TNNI3K: variants seen among roughly 807,000 people sequenced by gnomAD.
TNNI3K encodes TNNI3 interacting kinase.
In TNNI3K, 140 loss-of-function variants were observed where a neutral mutation model predicts 114.5. That is an observed-to-expected ratio of 1.22 (90% CI 1.07 to 1.41). The LOEUF (loss-of-function observed/expected upper bound fraction) is 1.41, where lower values mean the gene tolerates loss of function less well. Ranked by LOEUF, TNNI3K falls within the 40% of genes most tolerant of loss-of-function variation. The probability of loss-of-function intolerance (pLI) is 0.00; values close to 1 mark genes in which losing one functional copy is unlikely to be tolerated. For missense variants in TNNI3K, 1,125 were observed against 1,007.6 expected, an observed-to-expected ratio of 1.12 and a Z score of -1.58; for synonymous variants, 347 against 347.5, an observed-to-expected ratio of 1.00 and a Z score of 0.02.
In TNNI3K at chr1:74,336,114, C is replaced by T; in HGVS notation, c.647C>T (p.Ala216Val). 1 of 1,603,720 alleles carries T rather than the reference C, an allele frequency of 6.2e-7. No individual in the cohort carries two copies. The highest frequency in any genetic ancestry group is 8.5e-7 in the Non-Finnish European group (1 of 1,177,096). The change falls in exon 7 of 25, where the codon GCA (alanine) becomes GTA (valine). Residue 216 changes from alanine to valine, a missense_variant. Transcript: ENST00000326637. ...LASAKGFLNIAKLLMEEGSKA... is the reference protein window; with the variant it reads ...LASAKGFLNIVKLLMEEGSKA... ...TCTGCAAAAGGATTCTTGAATATTGCAAAACTCTTGATGGAAGAAGGCAGC... is the reference window on the plus strand; with the variant it reads ...TCTGCAAAAGGATTCTTGAATATTGTAAAACTCTTGATGGAAGAAGGCAGC...
At chr1:74,305,910 T>G (rs1056243301) in intron 5 of TNNI3K, among the ~76,000 whole-genome samples, 2 of 152,206 alleles carry the variant, frequency 1.3e-5, no homozygotes, top group African/African-American at 4.8e-5. Flanking sequence ...AGGGGGCACA[T>G]GTGCAGGTTA....
intron 13 of TNNI3K, 127 bp from the exon 14 acceptor site, chr1:74,368,895 T>C: frequency 1.2e-6 from 1 of 821,964 alleles, no homozygotes; most frequent in Non-Finnish European, 1.8e-6. Flanking sequence ...TCAATTACAG[T>C]TGGAAAATTA....
intron 5 of TNNI3K, among the ~76,000 whole-genome samples, chr1:74,285,807 C>A (rs1194590033): frequency 6.6e-6 from 1 of 152,094 alleles, no homozygotes; most frequent in Non-Finnish European, 1.5e-5. Context: ...TATAATGATA[C>A]GTTTCATGAA....
intron 5 of TNNI3K, among the ~76,000 whole-genome samples, chr1:74,317,219 G>A (rs1297309540): frequency 6.6e-6 from 1 of 152,194 alleles, no homozygotes; most frequent in Non-Finnish European, 1.5e-5. Flanking sequence ...GGTCATGGAG[G>A]TTGGAAGAGA....
At chr1:74,489,071 A>G in intron 21 of TNNI3K, 118 bp from the exon 22 acceptor site, 1 of 782,124 alleles carries the variant, frequency 1.3e-6, no homozygotes. Flanking sequence ...ATTTTAAATA[A>G]AAATATACTT....
chr1:74,403,022 G>T (rs1290798601), intron 17 of TNNI3K, among the ~76,000 whole-genome samples: 1 of 151,900 alleles, frequency 6.6e-6, no homozygotes, highest in Non-Finnish European at 1.5e-5. Context: ...TCATTCTAAT[G>T]ATGATAGATA....
intron 11 of TNNI3K, among the ~76,000 whole-genome samples, chr1:74,360,138 A>G (rs1430684070): frequency 6.6e-6 from 1 of 151,588 alleles, no homozygotes; most frequent in Non-Finnish European, 1.5e-5. Context: ...GATCCTCATA[A>G]TACTTCTTCT....
intron 1 of TNNI3K, 26 bp from the exon 2 acceptor site, chr1:74,236,072 GAATC>G (rs1223342056): frequency 6.3e-7 from 1 of 1,582,848 alleles, no homozygotes. Context: ...ACACAACTAT[GAATC>G]AATCTCATTT....
At chr1:74,415,126 C>A (rs1249472880) in intron 17 of TNNI3K, among the ~76,000 whole-genome samples, 1 of 152,126 alleles carries the variant, frequency 6.6e-6, no homozygotes, top group Non-Finnish European at 1.5e-5. Flanking sequence ...TCTAAGCATG[C>A]CCAATTTTAG....
intron 17 of TNNI3K, among the ~76,000 whole-genome samples, chr1:74,421,623 A>G (rs116349521): frequency 3.3e-3 from 502 of 152,264 alleles, no homozygotes; most frequent in Admixed American, 5.3e-3. Context: ...CAGAAAGAAA[A>G]ATGATTGCAA....
At chr1:74,480,300 C>T (rs925683918) in intron 21 of TNNI3K, 9 of 717,548 alleles carry the variant, frequency 1.3e-5, no homozygotes, top group South Asian at 4.4e-5. Flanking sequence ...GCCACAGCTG[C>T]GGTAGATGGC....
At chr1:74,465,013 G>T in intron 21 of TNNI3K, 1 of 1,132,484 alleles carries the variant, frequency 8.8e-7, no homozygotes, top group Non-Finnish European at 1.1e-6. Flanking sequence ...AAATAGTTTA[G>T]GAAAACATTT....
intron 6 of TNNI3K, 139 bp downstream of exon 6, chr1:74,331,687 G>A (rs1249167881): frequency 4.6e-6 from 3 of 656,782 alleles, no homozygotes; most frequent in Non-Finnish European, 7.1e-6. Context: ...CCATCCTTGA[G>A]GAGCTTGTAG....
intron 23 of TNNI3K, among the ~76,000 whole-genome samples, chr1:74,520,293 A>G (rs917279396): frequency 1.3e-5 from 2 of 152,168 alleles, no homozygotes; most frequent in Non-Finnish European, 2.9e-5. Flanking sequence ...ATTTTAAGAT[A>G]TGGCATTTAA....
Position 74,367,905 on chromosome 1 carries a change from T to C in TNNI3K, c.1265-3T>C. ...CAACTCTATTATATAATTTAATTTC[T>C]AGATGGCTCCTATGTGTCTGTTCCA... On this transcript the variant is annotated splice_region_variant and splice_polypyrimidine_tract_variant and intron_variant, in intron 12 of 24. Transcript: ENST00000326637. 1.3e-6 allele frequency: 2 copies of C among 1,571,862 alleles called. No homozygotes were observed. The highest frequency in any genetic ancestry group is 1.7e-6 in the Non-Finnish European group (2 of 1,165,014).
chr1:74,243,957 C>T lies in TNNI3K; in HGVS notation c.150-5502C>T, dbSNP rs180970149. On this transcript the variant is annotated intron_variant, in intron 2 of 24. Transcript: ENST00000326637. ...AGGGTATTAGAATACATAAGTGATG[C>T]TCAATTGGCAGTGAATTTGACATAC... 1.3e-3 allele frequency among the ~76,000 whole-genome samples: 200 copies of T among 152,082 alleles called. 1 individual carries two copies. Among genetic ancestry groups the T allele is most frequent in the Non-Finnish European group, 1.2e-3 (82 of 67,936 alleles).
At chr1:74,251,125 CAG>C (rs916314841) in intron 4 of TNNI3K, among the ~76,000 whole-genome samples, 3 of 152,236 alleles carry the variant, frequency 2.0e-5, no homozygotes, top group African/African-American at 4.8e-5. Flanking sequence ...TGCCTCTGTG[CAG>C]AGAGAGATGA....
intron 11 of TNNI3K, among the ~76,000 whole-genome samples, chr1:74,365,796 A>G (rs1448048683): frequency 2.6e-5 from 4 of 152,032 alleles, no homozygotes; most frequent in Non-Finnish European, 1.5e-5. Flanking sequence ...ACTGCCCCCC[A>G]CGTTATTTCA....
intron 5 of TNNI3K, among the ~76,000 whole-genome samples, chr1:74,330,618 A>G (rs1203054828): frequency 6.6e-6 from 1 of 152,158 alleles, no homozygotes; most frequent in Admixed American, 6.5e-5. Context: ...TACACATGTT[A>G]ATAAACTCCT....
Sources: allele counts gnomAD v4.1 joint callset (sites outside exome capture counted in the v4.1 genomes callset), GRCh38; gene constraint gnomAD v4.1.1; transcripts MANE v1.5; gene names NCBI Gene and HGNC (gene_info 2026-07-23, HGNC 2026-07-21).